Variants in MAMLD1 observed in about 807,000 individuals in gnomAD.
The protein encoded by MAMLD1 is mastermind like domain containing 1, also known as mastermind-like domain-containing protein 1.
Under a neutral mutation model 45.0 loss-of-function variants are expected in MAMLD1, and 14 were observed. The ratio of observed to expected loss-of-function variants is 0.31; its 90% CI spans 0.21 to 0.49. MAMLD1 has a LOEUF of 0.49. MAMLD1 is among the 20% of genes least tolerant of loss of function. The pLI, the probability that MAMLD1 is intolerant of heterozygous loss-of-function variation, is 0.99. For missense variants in MAMLD1, 543 were observed against 603.6 expected (o/e 0.90, Z 1.05); for synonymous variants, 254 against 247.8 (o/e 1.02, Z -0.24).
chrX:150,475,386 A>C (rs992123393), intron 5 of MAMLD1, among the ~76,000 whole-genome samples: 5 of 111,803 alleles, frequency 4.5e-5, no homozygotes, highest in Non-Finnish European at 7.5e-5. Context: ...TAGTTTTCTA[A>C]AGGAGTTATT....
At chrX:150,417,134 A>G (rs1372740506) in intron 1 of MAMLD1, among the ~76,000 whole-genome samples, 1 of 110,471 alleles carries the variant, frequency 9.1e-6, no homozygotes, top group East Asian at 2.8e-4. Context: ...AGCATGAGGT[A>G]TATCTCCCAA....
rs1569564634 is a variant in MAMLD1 at position 150,398,342 on chromosome X, A to AAGAAGAAGAAGG, written c.-64+34812_-64+34813insAGAAGAAGAAGG. On this transcript the variant is annotated intron_variant, in intron 1 of 7. Transcript: ENST00000370401. ...GAAGAAGAAGAAGAAGAAGAAGAAG[A>AAGAAGAAGAAGG]GGAAGAGGAAGAGGAAGAGGAAGAG... 5.7e-4 allele frequency among the ~76,000 whole-genome samples: 37 copies of AAGAAGAAGAAGG among 65,110 alleles called. 1 individual carries two copies. The highest frequency in any genetic ancestry group is 8.7e-4 in the Non-Finnish European group (28 of 32,079). 56.5% of individuals were successfully genotyped at this position (65,110 alleles called of 115,157 possible). A position where few individuals can be genotyped will look rare whatever the true frequency, so the allele number is the denominator to read the frequency against.
chrX:150,455,777 CTT>C (rs1569564859), intron 2 of MAMLD1, among the ~76,000 whole-genome samples: 10 of 84,035 alleles, frequency 1.2e-4, no homozygotes, highest in African/African-American at 3.9e-4. Flanking sequence ...TCTTCTTCTT[CTT>C]CTTTTTTTTT....
intron 1 of MAMLD1, 60 bp downstream of exon 1, chrX:150,363,590 T>C (rs977158648): frequency 1.8e-5 from 2 of 112,325 alleles, no homozygotes; most frequent in South Asian, 3.6e-4. Context: ...GGTACACTTG[T>C]AGCCCCCAGT....
upstream of MAMLD1, chrX:150,362,670 G>A (rs1383235236): frequency 8.9e-6 from 1 of 111,735 alleles, no homozygotes; most frequent in Non-Finnish European, 1.9e-5. Context: ...GGCCACGCAC[G>A]GCTCACCAGC....
At chrX:150,364,242 G>A (rs1417383861) in intron 1 of MAMLD1, among the ~76,000 whole-genome samples, 6 of 112,988 alleles carry the variant, frequency 5.3e-5, no homozygotes, top group Non-Finnish European at 9.4e-5. Context: ...TAGCGCGGGC[G>A]GGAAGCCCCC....
At chrX:150,427,168 T>C (rs782814942) in intron 1 of MAMLD1, among the ~76,000 whole-genome samples, 1 of 112,157 alleles carries the variant, frequency 8.9e-6, no homozygotes, top group East Asian at 2.8e-4. Flanking sequence ...CCTACTCCAG[T>C]AAGACTTCAT....
At position 150,497,283 on chromosome X, in the gene MAMLD1, C is replaced by CTTT. The variant is rs782269885; in HGVS notation, c.2041-5975_2041-5973dup. Reference sequence around the variant, plus strand: ...TTTAAAAAATTTTTTTCTTTTTTTTCTTTTTTTTTTTTTTTTTTGAGATGG... The same window carrying CTTT: ...TTTAAAAAATTTTTTTCTTTTTTTTCTTTTTTTTTTTTTTTTTTTTTGAGATGG... On this transcript the variant is annotated intron_variant, in intron 5 of 7. Coordinates refer to ENST00000370401, the MANE Select transcript of MAMLD1 (RefSeq NM_005491.5). Among the ~76,000 whole-genome samples the CTTT allele has an allele frequency of 7.5e-3, 639 of 85,207 alleles. 15 individuals carry two copies. Among genetic ancestry groups the CTTT allele is most frequent in the African/African-American group, 0.026 (590 of 22,504 alleles). The allele number at this position is 85,207 out of a possible 115,157, so 74.0% of individuals were successfully genotyped here.
At chrX:150,501,881 G>A (rs1557408546) in intron 5 of MAMLD1, among the ~76,000 whole-genome samples, 1 of 112,181 alleles carries the variant, frequency 8.9e-6, no homozygotes, top group African/African-American at 3.2e-5. Context: ...CAAACGACAT[G>A]TGGGCTTGGG....
intron 1 of MAMLD1, among the ~76,000 whole-genome samples, chrX:150,384,141 T>G (rs1557401965): frequency 1.8e-5 from 2 of 112,050 alleles, no homozygotes; most frequent in African/African-American, 6.5e-5. Flanking sequence ...AGGAATGGAA[T>G]TTTTGCATCA....
At chrX:150,440,125 C>T (rs2035248581) in intron 1 of MAMLD1, among the ~76,000 whole-genome samples, 1 of 110,916 alleles carries the variant, frequency 9.0e-6, no homozygotes, top group Non-Finnish European at 1.9e-5. Context: ...GATTTTTAGT[C>T]TTTGCCTGTT....
chrX:150,506,734 G>C (rs968823874), intron 6 of MAMLD1, among the ~76,000 whole-genome samples: 4 of 112,700 alleles, frequency 3.5e-5, no homozygotes, highest in African/African-American at 1.3e-4. Context: ...GGGTAAACAG[G>C]AGACATTAGC....
At position 150,462,775 on chromosome X, in the gene MAMLD1, A is replaced by G; in HGVS notation, c.100A>G (p.Lys34Glu). ...CTCAGCCTACTCTCACCCCCAGGGA[A>G]AGAAGCCCTCGTGGATGGAGGAAGA... The part of the protein sequence containing the change: ...QEPRKLQESG[K>E]KPSWMEEEDL... The change falls in exon 3 of 8, where the codon AAG becomes GAG. Residue 34 changes from lysine (K) to glutamate (E), a missense_variant. Lys to Glu is a moderately conservative substitution (Grantham distance 56, BLOSUM62 1). Coordinates refer to ENST00000370401, the MANE Select transcript of MAMLD1 (RefSeq NM_005491.5). 2.5e-6 allele frequency: 3 copies of G among 1,208,150 alleles called. No homozygotes were observed. Among genetic ancestry groups the G allele is most frequent in the Admixed American group, 4.3e-5 (2 of 46,087 alleles).
chrX:150,457,724 A>G (rs2035913455), intron 2 of MAMLD1, among the ~76,000 whole-genome samples: 1 of 111,777 alleles, frequency 8.9e-6, no homozygotes, highest in African/African-American at 3.3e-5. Flanking sequence ...CAGGCACAAA[A>G]CGCCACATAT....
chrX:150,367,908 C>T (rs2031625709), intron 1 of MAMLD1, among the ~76,000 whole-genome samples: 3 of 111,710 alleles, frequency 2.7e-5, no homozygotes, highest in Non-Finnish European at 5.6e-5. Context: ...TTTATGGCTG[C>T]GTAGTATTCC....
intron 2 of MAMLD1, among the ~76,000 whole-genome samples, chrX:150,452,264 A>G (rs1186815991): frequency 8.9e-6 from 1 of 111,909 alleles, no homozygotes; most frequent in African/African-American, 3.3e-5. Flanking sequence ...ATTTTCTCCA[A>G]TGGTTCATTC....
intron 3 of MAMLD1, among the ~76,000 whole-genome samples, chrX:150,467,844 T>C (rs1170951168): frequency 8.9e-6 from 1 of 112,167 alleles, no homozygotes; most frequent in Non-Finnish European, 1.9e-5. Flanking sequence ...GGTATTGGAC[T>C]CCCAGAACCC....
intron 1 of MAMLD1, among the ~76,000 whole-genome samples, chrX:150,373,005 T>A (rs782604522): frequency 1.2e-4 from 13 of 111,329 alleles, no homozygotes; most frequent in Non-Finnish European, 2.3e-4. Flanking sequence ...CGTGGTGAGG[T>A]CTTGTCCCAC....
At chrX:150,497,445 G>A (rs1557408346) in intron 5 of MAMLD1, among the ~76,000 whole-genome samples, 1 of 108,569 alleles carries the variant, frequency 9.2e-6, no homozygotes, top group Non-Finnish European at 1.9e-5. Context: ...CACCATGCCC[G>A]GCTAACTTTT....
Sources: gnomAD v4.1 joint callset for allele counts (sites outside exome capture counted in the v4.1 genomes callset) on GRCh38, gnomAD v4.1.1 for gene constraint, MANE v1.5 for transcripts, NCBI Gene and HGNC (gene_info 2026-07-23, HGNC 2026-07-21) for gene names.